OVCH1: variants seen among roughly 807,000 people sequenced by gnomAD.
OVCH1 encodes ovochymase 1, also known as ovochymase-1.
OVCH1 carries 139 observed loss-of-function variants against 138.4 expected under a neutral mutation model. The ratio of observed to expected loss-of-function variants is 1.00; its 90% CI spans 0.87 to 1.16. OVCH1 has a LOEUF of 1.16. Among genes scored for constraint, OVCH1 ranks in the 50% most tolerant of loss-of-function variants. The pLI is 0.00. For missense variants in OVCH1, 1,367 were observed against 1,357.9 expected, an observed-to-expected ratio of 1.01 and a Z score of -0.11; for synonymous variants, 453 against 467.8, an observed-to-expected ratio of 0.97 and a Z score of 0.41.
chr12:29,461,048 A>G (rs573514520), intron 19 of OVCH1, among the ~76,000 whole-genome samples: 3 of 152,232 alleles, frequency 2.0e-5, no homozygotes, highest in South Asian at 4.2e-4. Context: ...GGTGAAATCT[A>G]TTGCTGCATG....
intron 6 of OVCH1, 52 bp from the exon 7 acceptor site, chr12:29,487,934 A>G (rs1031463060): frequency 1.3e-6 from 2 of 1,491,280 alleles, no homozygotes; most frequent in Admixed American, 2.2e-5. Context: ...AGTGTAAAAT[A>G]TTTCATCATT....
intron 22 of OVCH1, among the ~76,000 whole-genome samples, chr12:29,450,545 G>T (rs977697573): frequency 2.6e-5 from 4 of 152,198 alleles, no homozygotes; most frequent in Non-Finnish European, 5.9e-5. Context: ...TGGAAAAATA[G>T]AAATGCTTTT....
At chr12:29,468,776 T>C (rs73278767) in intron 16 of OVCH1, among the ~76,000 whole-genome samples, 11,697 of 152,190 alleles carry the variant, frequency 0.077, 455 homozygotes, top group Non-Finnish European at 0.082. Context: ...TAGATACAGA[T>C]AGATATATTT....
chr12:29,471,884 G>A lies in OVCH1; in HGVS notation c.1774C>T (p.Leu592=), dbSNP rs35846252. The change falls in exon 16 of 28, where the codon CTG becomes TTG. Residue 592 remains leucine (L), a synonymous_variant. Transcript: ENST00000318184. ...CATTGGTAATCGCCTAGAAACCTCA[G>A]ACCCACCTGCCATGGCCAACAGTGG... 9.2e-5 allele frequency: 149 copies of A among 1,613,398 alleles called. 1 individual carries two copies. The African/African-American group carries it at 1.8e-3, about 19-fold the overall frequency.
intron 2 of OVCH1, 94 bp downstream of exon 2, chr12:29,496,462 A>G: frequency 1.6e-6 from 2 of 1,258,230 alleles, no homozygotes; most frequent in Non-Finnish European, 2.2e-6. Flanking sequence ...GGTTCAGGAG[A>G]AAAACTACAT....
intron 26 of OVCH1, among the ~76,000 whole-genome samples, chr12:29,437,365 A>T (rs1167483895): frequency 6.6e-6 from 1 of 152,180 alleles, no homozygotes. Flanking sequence ...ATTGTACTTA[A>T]TAATTTTTTC....
At chr12:29,431,235 G>C (rs891593691) in intron 27 of OVCH1, among the ~76,000 whole-genome samples, 55 of 152,184 alleles carry the variant, frequency 3.6e-4, no homozygotes, top group African/African-American at 1.3e-3. Flanking sequence ...CCAGGAGGTT[G>C]AGACCAACCT....
downstream of OVCH1, among the ~76,000 whole-genome samples, chr12:29,410,860 G>A (rs187001266): frequency 0.01 from 1,520 of 151,542 alleles, 23 homozygotes; most frequent in African/African-American, 0.035. Flanking sequence ...GTTGGCCTGC[G>A]TTGCTAGATT....
intron 5 of OVCH1, 121 bp downstream of exon 5, chr12:29,490,976 G>T: frequency 2.6e-6 from 2 of 776,182 alleles, no homozygotes; most frequent in Non-Finnish European, 4.2e-6. Context: ...AATCTTCGTT[G>T]TGTCAGAAAT....
At chr12:29,464,364 G>C in intron 18 of OVCH1, 143 bp downstream of exon 18, 1 of 945,340 alleles carries the variant, frequency 1.1e-6, no homozygotes, top group South Asian at 1.4e-5. Context: ...TTTACTTGCT[G>C]ATCTGTTACA....
chr12:29,465,014 G>A, intron 17 of OVCH1, 133 bp downstream of exon 17: 1 of 812,582 alleles, frequency 1.2e-6, no homozygotes, highest in Non-Finnish European at 1.9e-6. Context: ...ATTTTTAAAT[G>A]TGGGTATAAA....
chr12:29,496,131 C>T (rs971316530), intron 3 of OVCH1, 50 bp downstream of exon 3: 10 of 1,486,264 alleles, frequency 6.7e-6, no homozygotes, highest in Admixed American at 5.7e-5. Context: ...ATCTGCCAGT[C>T]GCATAGCCAG....
chr12:29,406,211 T>C, the OVCH1 span, among the ~76,000 whole-genome samples: 1 of 151,946 alleles, frequency 6.6e-6, no homozygotes, highest in Non-Finnish European at 1.5e-5. Context: ...ATAAAATCAC[T>C]AGATATTCTT....
At chr12:29,433,831 GT>G (rs1941311593) in intron 26 of OVCH1, 1 of 1,367,888 alleles carries the variant, frequency 7.3e-7, no homozygotes, top group South Asian at 1.4e-5. Flanking sequence ...TAAGTAAAAT[GT>G]TTTTAATGGA....
exon 15 of OVCH1, chr12:29,473,062 T>G (rs1312903014): frequency 6.2e-7 from 1 of 1,611,282 alleles, no homozygotes; most frequent in Admixed American, 1.7e-5. Flanking sequence ...GATACAGGAT[T>G]GTTTTGGGGA....
At chr12:29,406,561 T>C in the OVCH1 span, among the ~76,000 whole-genome samples, 1 of 152,044 alleles carries the variant, frequency 6.6e-6, no homozygotes, top group Admixed American at 6.6e-5. Context: ...CGGTGTTTGG[T>C]TTTTTGTTCT....
intron 8 of OVCH1, chr12:29,478,926 G>C: frequency 6.5e-7 from 1 of 1,539,016 alleles, no homozygotes; most frequent in South Asian, 1.2e-5. Context: ...ATTTTATCAG[G>C]ATTATTTTAT....
downstream of OVCH1, among the ~76,000 whole-genome samples, chr12:29,408,931 C>T (rs1325971168): frequency 6.6e-6 from 1 of 152,188 alleles, no homozygotes; most frequent in Non-Finnish European, 1.5e-5. Flanking sequence ...GTGAATCCAT[C>T]TGGTCCTGGA....
chr12:29,409,452 T>C (rs1158480628), downstream of OVCH1, among the ~76,000 whole-genome samples: 1 of 152,102 alleles, frequency 6.6e-6, no homozygotes. Flanking sequence ...TTTAGTGCTA[T>C]AAATTTCCCT....
Sources: gnomAD v4.1 joint callset for allele counts (sites outside exome capture counted in the v4.1 genomes callset) on GRCh38, gnomAD v4.1.1 for gene constraint, MANE v1.5 for transcripts, NCBI Gene and HGNC (gene_info 2026-07-23, HGNC 2026-07-21) for gene names.